The following TMEM132D variants were observed in gnomAD, a reference collection of about 807,000 sequenced individuals.
TMEM132D encodes the protein transmembrane protein 132D, also known as mature OL transmembrane protein.
Under a neutral mutation model 62.3 loss-of-function variants are expected in TMEM132D, and 21 were observed. That is an observed-to-expected ratio of 0.34 (90% CI 0.24 to 0.49). The LOEUF is 0.49. Among genes scored for constraint, TMEM132D ranks in the 20% least tolerant of loss-of-function variants. The pLI is 0.99. For missense variants in TMEM132D, 1,346 were observed against 1,402.8 expected, an observed-to-expected ratio of 0.96 and a Z score of 0.65; for synonymous variants, 621 against 575.6, an observed-to-expected ratio of 1.08 and a Z score of -1.13.
chr12:129,206,652 C>T (rs558988639), intron 5 of TMEM132D, among the ~76,000 whole-genome samples: 16 of 152,194 alleles, frequency 1.1e-4, no homozygotes, highest in African/African-American at 3.4e-4. Flanking sequence ...TACATGCACG[C>T]GAATGTTCAT....
intron 2 of TMEM132D, among the ~76,000 whole-genome samples, chr12:129,533,412 T>C (rs1235298014): frequency 1.3e-5 from 2 of 152,260 alleles, no homozygotes; most frequent in African/African-American, 2.4e-5. Flanking sequence ...GCTACTATTA[T>C]ACTAAGATGA....
intron 2 of TMEM132D, among the ~76,000 whole-genome samples, chr12:129,685,303 C>T (rs1181083723): frequency 1.3e-5 from 2 of 152,170 alleles, no homozygotes; most frequent in African/African-American, 4.8e-5. Flanking sequence ...CCAGGGCCCC[C>T]CTACTGTATG....
chr12:129,275,322 C>G (rs145047532), intron 4 of TMEM132D, among the ~76,000 whole-genome samples: 27 of 152,150 alleles, frequency 1.8e-4, no homozygotes, highest in South Asian at 6.2e-4. Flanking sequence ...AAAAATAACT[C>G]AAGTCTATTT....
intron 2 of TMEM132D, among the ~76,000 whole-genome samples, chr12:129,591,671 A>G (rs1344809818): frequency 3.9e-5 from 6 of 152,020 alleles, no homozygotes; most frequent in Non-Finnish European, 7.4e-5. Context: ...TAATAATAAT[A>G]AAGAAAGAAA....
At chr12:129,631,928 C>T (rs1879355089) in intron 2 of TMEM132D, among the ~76,000 whole-genome samples, 1 of 152,106 alleles carries the variant, frequency 6.6e-6, no homozygotes, top group Non-Finnish European at 1.5e-5. Context: ...ACATAAGAGC[C>T]ATATAATTTA....
chr12:129,585,271 CATGTTCTACATAGCCAAGG>C (rs2137130061), intron 2 of TMEM132D, among the ~76,000 whole-genome samples: 1 of 152,258 alleles, frequency 6.6e-6, no homozygotes, highest in East Asian at 1.9e-4. Context: ...CTGTCATGCC[CATGTTCTACATAGCCAAGG>C]ACGCCCACAT....
chr12:129,805,315 A>C (rs1871943858), intron 1 of TMEM132D, among the ~76,000 whole-genome samples: 1 of 152,088 alleles, frequency 6.6e-6, no homozygotes, highest in African/African-American at 2.4e-5. Context: ...CAGTAACCAA[A>C]ACAGCATGGT....
chr12:129,345,817 T>C (rs1869664597), intron 3 of TMEM132D, among the ~76,000 whole-genome samples: 1 of 152,190 alleles, frequency 6.6e-6, no homozygotes, highest in Non-Finnish European at 1.5e-5. Flanking sequence ...AGCTTTTTGA[T>C]GTGCTGCTGG....
At chr12:129,687,000 G>T (rs189794191) in intron 2 of TMEM132D, among the ~76,000 whole-genome samples, 1 of 152,234 alleles carries the variant, frequency 6.6e-6, no homozygotes, top group African/African-American at 2.4e-5. Context: ...CTCCTTTAAG[G>T]TTCCTCGGAT....
intron 5 of TMEM132D, among the ~76,000 whole-genome samples, chr12:129,140,213 A>ACC (rs1876698533): frequency 5.9e-5 from 2 of 34,156 alleles, no homozygotes; most frequent in African/African-American, 1.7e-4. Flanking sequence ...AGGCGCTGTT[A>ACC]CCACACACAC....
chr12:129,520,546 C>T (rs3912369), intron 3 of TMEM132D, among the ~76,000 whole-genome samples: 36,659 of 152,040 alleles, frequency 0.24, 5,265 homozygotes, highest in Non-Finnish European at 0.32. Context: ...GTTAAAGGAG[C>T]ATGTAAGTGA....
intron 1 of TMEM132D, among the ~76,000 whole-genome samples, chr12:129,870,580 A>G (rs569774420): frequency 6.6e-6 from 1 of 152,270 alleles, no homozygotes; most frequent in East Asian, 1.9e-4. Context: ...CATACCCCAG[A>G]AACTGCCCTA....
chr12:129,780,347 G>C (rs935663680), intron 1 of TMEM132D, among the ~76,000 whole-genome samples: 101 of 150,122 alleles, frequency 6.7e-4, no homozygotes, highest in Middle Eastern at 3.4e-3. Flanking sequence ...GGAGGGGGGG[G>C]GCCGGGGGGG....
intron 3 of TMEM132D, among the ~76,000 whole-genome samples, chr12:129,506,181 T>G (rs549481276): frequency 6.6e-6 from 1 of 152,332 alleles, no homozygotes; most frequent in Non-Finnish European, 1.5e-5. Context: ...GTTTCAAGAT[T>G]TAGAGCTCCT....
intron 3 of TMEM132D, among the ~76,000 whole-genome samples, chr12:129,449,576 A>G (rs1424646944): frequency 2.0e-5 from 3 of 152,160 alleles, no homozygotes; most frequent in Non-Finnish European, 4.4e-5. Flanking sequence ...TCTGCACATG[A>G]GTGTTTACTT....
intron 1 of TMEM132D, among the ~76,000 whole-genome samples, chr12:129,777,070 G>A (rs1870962020): frequency 6.6e-6 from 1 of 152,220 alleles, no homozygotes; most frequent in African/African-American, 2.4e-5. Flanking sequence ...GCTGAGGGTT[G>A]TTAGCAGCTG....
At chr12:129,085,417 G>C (rs539814528) in intron 5 of TMEM132D, 7 of 152,270 alleles carry the variant, frequency 4.6e-5, no homozygotes, top group African/African-American at 1.7e-4. Flanking sequence ...AGAGGGGCTC[G>C]ATGGGACTTC....
At chr12:129,514,091 G>T (rs1022344508) in intron 3 of TMEM132D, among the ~76,000 whole-genome samples, 1 of 139,586 alleles carries the variant, frequency 7.2e-6, no homozygotes, top group African/African-American at 2.7e-5. Flanking sequence ...CGCCCGCCTC[G>T]GCCTCCCAAA....
At chr12:129,664,806 C>T (rs661176) in intron 2 of TMEM132D, among the ~76,000 whole-genome samples, 115,294 of 151,916 alleles carry the variant, frequency 0.76, 44,169 homozygotes, top group East Asian at 0.86. Context: ...TTCTGAAATA[C>T]TGTGGAATAA....
Sources: gnomAD v4.1 joint callset for allele counts (sites outside exome capture counted in the v4.1 genomes callset) on GRCh38, gnomAD v4.1.1 for gene constraint, MANE v1.5 for transcripts, NCBI Gene and HGNC (gene_info 2026-07-23, HGNC 2026-07-21) for gene names.